The following KIF5C variants were observed in gnomAD, a reference collection of about 807,000 sequenced individuals.
KIF5C encodes the protein kinesin family member 5C, also known as kinesin heavy chain isoform 5C.
A neutral mutation model predicts 125.2 loss-of-function variants in KIF5C; 18 were observed. The ratio of observed to expected loss-of-function variants is 0.14; its 90% CI spans 0.10 to 0.21. The LOEUF is 0.21. Ranked by LOEUF, KIF5C falls within the 10% of genes least tolerant of loss-of-function variation. The pLI is 1.00. For missense variants in KIF5C, 780 were observed against 1,183.8 expected, an observed-to-expected ratio of 0.66 and a Z score of 5.01; for synonymous variants, 405 against 434.0, an observed-to-expected ratio of 0.93 and a Z score of 0.83.
At chr2:149,010,110 C>G in intron 23 of KIF5C, 25 bp from the exon 24 acceptor site, 1 of 1,529,616 alleles carries the variant, frequency 6.5e-7, no homozygotes, top group Non-Finnish European at 8.8e-7. Flanking sequence ...GGTAGTAACT[C>G]CCTTCCTTTA....
intron 1 of KIF5C, among the ~76,000 whole-genome samples, chr2:148,911,321 C>G (rs1473278573): frequency 1.3e-5 from 2 of 152,038 alleles, no homozygotes; most frequent in Non-Finnish European, 2.9e-5. Flanking sequence ...AAGAAGGGGT[C>G]AAAGAGGAAG....
chr2:148,942,909 T>C (rs1196188855), intron 7 of KIF5C, 149 bp downstream of exon 7: 3 of 1,410,798 alleles, frequency 2.1e-6, no homozygotes, highest in African/African-American at 2.8e-5. Flanking sequence ...CCAGGGTATG[T>C]GTGCTATGAG....
Position 148,922,127 on chromosome 2 carries a change from T to C in KIF5C, c.127-10T>C. The stretch of plus-strand genomic sequence containing the variant: ...TCCACCTTTTTCTTCCCTTTGTCTT[T>C]CTTTTTTAGCAAGGGAAGCCATATG... On this transcript the variant is annotated splice_polypyrimidine_tract_variant and intron_variant, in intron 1 of 25. Coordinates refer to ENST00000435030, the MANE Select transcript of KIF5C (RefSeq NM_004522.3). The C allele has an allele frequency of 6.3e-7, 1 of 1,585,622 alleles. No individual in the cohort carries two copies. Among genetic ancestry groups the C allele is most frequent in the Non-Finnish European group, 8.6e-7 (1 of 1,164,058 alleles).
rs181239062 is a variant in KIF5C at position 148,981,325 on chromosome 2, C to G, written c.1363-30C>G. The G allele has an allele frequency of 2.3e-5, 36 of 1,576,040 alleles. No homozygotes were observed. The Admixed American group carries it at 6.7e-4, about 29-fold the overall frequency. On this transcript the variant is annotated intron_variant, in intron 13 of 25. Coordinates refer to ENST00000435030, the MANE Select transcript of KIF5C (RefSeq NM_004522.3). Reference sequence around the variant, plus strand: ...AACATAAACATTTGAACATTAGATTCACAAGTTCCATGCCATCTCATTTCC... The same window carrying G: ...AACATAAACATTTGAACATTAGATTGACAAGTTCCATGCCATCTCATTTCC...
At chr2:148,981,204 C>A in intron 13 of KIF5C, 151 bp from the exon 14 acceptor site, 1 of 1,140,704 alleles carries the variant, frequency 8.8e-7, no homozygotes, top group Non-Finnish European at 1.2e-6. Flanking sequence ...TTTTTATCGT[C>A]TGGACCATAC....
chr2:148,883,861 C>G (rs1272054842), intron 1 of KIF5C: 2 of 151,832 alleles, frequency 1.3e-5, no homozygotes, highest in South Asian at 2.1e-4. Flanking sequence ...GTGGACTTGC[C>G]CAATTATTTT....
intron 1 of KIF5C, among the ~76,000 whole-genome samples, chr2:148,914,744 G>A (rs1406888445): frequency 1.3e-5 from 2 of 152,242 alleles, no homozygotes; most frequent in Admixed American, 1.3e-4. Context: ...TTGGGGCATG[G>A]AGCCAGTGTG....
At chr2:148,937,893 A>G (rs1161195788) in intron 4 of KIF5C, among the ~76,000 whole-genome samples, 2 of 152,214 alleles carry the variant, frequency 1.3e-5, no homozygotes, top group African/African-American at 4.8e-5. Context: ...ATGTAGACAC[A>G]TTTCTCCTCC....
chr2:149,000,845 G>T, intron 21 of KIF5C, 63 bp downstream of exon 21: 1 of 1,597,644 alleles, frequency 6.3e-7, no homozygotes. Context: ...GTGATTTGTC[G>T]GATTATTTCA....
chr2:149,010,737 G>C (rs1320956427), intron 24 of KIF5C, among the ~76,000 whole-genome samples: 1 of 152,196 alleles, frequency 6.6e-6, no homozygotes, highest in African/African-American at 2.4e-5. Flanking sequence ...GCATGAAGGA[G>C]CCCATATGTA....
chr2:148,981,719 C>G (rs577843174), intron 14 of KIF5C, among the ~76,000 whole-genome samples, 158 bp downstream of exon 14: 1 of 152,172 alleles, frequency 6.6e-6, no homozygotes, highest in Non-Finnish European at 1.5e-5. Context: ...TGAAATACTT[C>G]GTGCAAGTGA....
chr2:149,013,246 G>A (rs114264138), intron 25 of KIF5C, among the ~76,000 whole-genome samples: 16 of 152,206 alleles, frequency 1.1e-4, no homozygotes, highest in Non-Finnish European at 1.9e-4. Context: ...GGTTAAGCAC[G>A]TGCCTGCCTC....
chr2:149,013,596 C>T (rs919572909), intron 25 of KIF5C, among the ~76,000 whole-genome samples: 2 of 152,196 alleles, frequency 1.3e-5, no homozygotes, highest in East Asian at 3.9e-4. Context: ...ACCTAATATG[C>T]TGCAGCACTG....
At chr2:148,991,344 G>T in intron 16 of KIF5C, 146 bp downstream of exon 16, 1 of 1,368,402 alleles carries the variant, frequency 7.3e-7, no homozygotes. Context: ...TGGCAGCCCA[G>T]GTCTATTCCT....
chr2:148,897,114 T>C (rs1307167097), intron 1 of KIF5C, among the ~76,000 whole-genome samples: 1 of 152,208 alleles, frequency 6.6e-6, no homozygotes, highest in Non-Finnish European at 1.5e-5. Context: ...ATTATAGGCA[T>C]GAGCCACTGC....
chr2:148,909,444 C>A (rs1003724489), intron 1 of KIF5C, among the ~76,000 whole-genome samples: 2 of 152,240 alleles, frequency 1.3e-5, no homozygotes, highest in African/African-American at 4.8e-5. Flanking sequence ...TCTCTCTCCA[C>A]TCCCTCAGAA....
intron 22 of KIF5C, among the ~76,000 whole-genome samples, chr2:149,007,730 T>A (rs920104773): frequency 2.6e-5 from 4 of 151,612 alleles, no homozygotes; most frequent in Admixed American, 6.5e-5. Flanking sequence ...AAAGCAGATT[T>A]GAAGGAGTTT....
intron 5 of KIF5C, 70 bp downstream of exon 5, chr2:148,941,728 C>T (rs1037492239): frequency 5.9e-6 from 9 of 1,525,846 alleles, no homozygotes; most frequent in Non-Finnish European, 7.1e-6. Context: ...AATGGTTTAT[C>T]ACACTTCTGC....
intron 23 of KIF5C, among the ~76,000 whole-genome samples, chr2:149,009,357 G>A (rs1682113912): frequency 6.6e-6 from 1 of 152,208 alleles, no homozygotes; most frequent in Non-Finnish European, 1.5e-5. Context: ...CCAGGCACTA[G>A]AGCTGGTGCT....
Sources: allele counts gnomAD v4.1 joint callset (sites outside exome capture counted in the v4.1 genomes callset), GRCh38; gene constraint gnomAD v4.1.1; transcripts MANE v1.5; gene names NCBI Gene and HGNC (gene_info 2026-07-23, HGNC 2026-07-21).